The following CNTNAP2 variants were observed in gnomAD, a reference collection of about 807,000 sequenced individuals.
CNTNAP2 encodes the protein contactin-associated protein-like 2.
CNTNAP2 carries 98 observed loss-of-function variants against 155.2 expected under a neutral mutation model. The ratio of observed to expected loss-of-function variants is 0.63; its 90% CI spans 0.54 to 0.75. The LOEUF is 0.75. Among genes scored for constraint, CNTNAP2 ranks in the 30% least tolerant of loss-of-function variants. The probability of loss-of-function intolerance (pLI) is 0.00; values close to 1 mark genes in which losing one functional copy is unlikely to be tolerated. For synonymous variants in CNTNAP2, 651 were observed against 631.2 expected (o/e 1.03, Z -0.47); for missense variants, 1,727 against 1,688.1 (o/e 1.02, Z -0.40).
chr7:148,398,333 T>C (rs951955185), intron 22 of CNTNAP2, among the ~76,000 whole-genome samples: 4 of 152,248 alleles, frequency 2.6e-5, no homozygotes, highest in African/African-American at 9.6e-5. Context: ...CCATGCCTAT[T>C]GGCAGAACTG....
Position 148,368,790 on chromosome 7 carries a change from G to A in CNTNAP2, c.3476-14859G>A, listed in dbSNP as rs537545307. ...GAGCAAGCAGGGGGTATGTGACAGG[G>A]GCTGCATGCACCGGTGGTCAGACTG... On this transcript the variant is annotated intron_variant, in intron 21 of 23. Coordinates refer to ENST00000361727, the MANE Select transcript of CNTNAP2 (RefSeq NM_014141.6). Among the ~76,000 whole-genome samples, 57 of 152,230 alleles carry A rather than the reference G, an allele frequency of 3.7e-4. 1 individual carries two copies. The South Asian group carries it at 0.011, about 30-fold the overall frequency.
At chr7:146,698,683 C>T (rs1800824786) in intron 1 of CNTNAP2, among the ~76,000 whole-genome samples, 1 of 152,106 alleles carries the variant, frequency 6.6e-6, no homozygotes, top group African/African-American at 2.4e-5. Flanking sequence ...AAAGCATCAG[C>T]ATTATTTCTT....
Position 148,415,825 on chromosome 7 carries a change from C to G in CNTNAP2, c.*209C>G. 6.4e-6 allele frequency: 4 copies of G among 621,770 alleles called. No individual in the cohort carries two copies. The South Asian group carries it at 8.4e-5, about 13-fold the overall frequency. The allele number at this position is 621,770 out of a possible 1,614,324, so 38.5% of individuals were successfully genotyped here. A position where few individuals can be genotyped will look rare whatever the true frequency, so the allele number is the denominator to read the frequency against. Reference sequence around the variant, plus strand: ...ATATTTCTTTATAGCTGAGTTTTCCCTTCTGTATCAAAACAAAATAATACA... The same window carrying G: ...ATATTTCTTTATAGCTGAGTTTTCCGTTCTGTATCAAAACAAAATAATACA... On this transcript the variant is annotated 3_prime_UTR_variant, in exon 24 of 24. Coordinates refer to ENST00000361727, the MANE Select transcript of CNTNAP2 (RefSeq NM_014141.6).
chr7:147,749,555 T>C (rs923845686), intron 13 of CNTNAP2, among the ~76,000 whole-genome samples: 1 of 152,188 alleles, frequency 6.6e-6, no homozygotes, highest in Non-Finnish European at 1.5e-5. Flanking sequence ...ACCAGCAATA[T>C]GTGGAACGAT....
chr7:146,588,341 T>A (rs1179909282), intron 1 of CNTNAP2, among the ~76,000 whole-genome samples: 1 of 152,188 alleles, frequency 6.6e-6, no homozygotes, highest in African/African-American at 2.4e-5. Flanking sequence ...TTGGAAATTG[T>A]AATTAATTCC....
At chr7:148,133,438 G>T (rs1013195138) in intron 16 of CNTNAP2, among the ~76,000 whole-genome samples, 2 of 151,992 alleles carry the variant, frequency 1.3e-5, no homozygotes, top group Non-Finnish European at 2.9e-5. Flanking sequence ...CTCCAGCCTG[G>T]GTGACAGAAT....
At position 146,986,345 on chromosome 7, in the gene CNTNAP2, T is replaced by A. The variant is rs574387137; in HGVS notation, c.403-57562T>A. 3.3e-5 allele frequency among the ~76,000 whole-genome samples: 5 copies of A among 152,342 alleles called. No individual in the cohort carries two copies. The South Asian group carries it at 1.0e-3, about 32-fold the overall frequency. ...AATGCCATTAATTCATTCCTTTTTA[T>A]GGCTGAGCAGTATTCCATCATATAT... On this transcript the variant is annotated intron_variant, in intron 3 of 23. Coordinates refer to ENST00000361727, the MANE Select transcript of CNTNAP2 (RefSeq NM_014141.6).
rs76957024 is a variant in CNTNAP2 at position 147,708,877 on chromosome 7, A to C, written c.2098+69571A>C. The stretch of plus-strand genomic sequence containing the variant: ...GTTCTTCTCTGTGTAAGAGACACGT[A>C]GCAGATGCCTCTAGTCAGCCACCTT... On this transcript the variant is annotated intron_variant, in intron 13 of 23. Coordinates refer to ENST00000361727, the MANE Select transcript of CNTNAP2 (RefSeq NM_014141.6). Among the ~76,000 whole-genome samples the C allele has an allele frequency of 6.8e-3, 1,042 of 152,300 alleles. 12 individuals are homozygous for C. Among genetic ancestry groups the C allele is most frequent in the African/African-American group, 0.024 (984 of 41,572 alleles).
chr7:146,593,700 C>T (rs1798817261), intron 1 of CNTNAP2, among the ~76,000 whole-genome samples: 1 of 152,126 alleles, frequency 6.6e-6, no homozygotes, highest in Non-Finnish European at 1.5e-5. Flanking sequence ...CATGCTATTT[C>T]TCATTTGCAA....
At chr7:147,963,238 G>A (rs551135261) in intron 14 of CNTNAP2, among the ~76,000 whole-genome samples, 1 of 152,168 alleles carries the variant, frequency 6.6e-6, no homozygotes, top group East Asian at 1.9e-4. Context: ...TAGTAAGAAT[G>A]TGCTATAGAG....
At chr7:146,161,891 G>C (rs916288998) in intron 1 of CNTNAP2, among the ~76,000 whole-genome samples, 3 of 152,088 alleles carry the variant, frequency 2.0e-5, no homozygotes, top group African/African-American at 7.2e-5. Context: ...TGACAAACCT[G>C]ACAAAAACGA....
chr7:146,368,246 A>C (rs949120326), intron 1 of CNTNAP2, among the ~76,000 whole-genome samples: 11 of 152,178 alleles, frequency 7.2e-5, no homozygotes, highest in African/African-American at 2.7e-4. Context: ...AGATGTCTCC[A>C]AGGAGTAAGT....
intron 13 of CNTNAP2, among the ~76,000 whole-genome samples, chr7:147,895,465 C>T (rs1420789935): frequency 1.3e-5 from 2 of 152,054 alleles, no homozygotes; most frequent in African/African-American, 4.8e-5. Context: ...TACAATATGC[C>T]TTACTTTGAT....
At chr7:146,820,349 T>C (rs949784224) in intron 2 of CNTNAP2, among the ~76,000 whole-genome samples, 1 of 152,204 alleles carries the variant, frequency 6.6e-6, no homozygotes, top group African/African-American at 2.4e-5. Context: ...TAGTTAGCAA[T>C]TGAATATTTA....
At chr7:147,580,824 C>G (rs746859944) in intron 12 of CNTNAP2, among the ~76,000 whole-genome samples, 3 of 152,128 alleles carry the variant, frequency 2.0e-5, no homozygotes, top group Non-Finnish European at 4.4e-5. Context: ...GCATGTTGAC[C>G]AGGCTGGTCT....
chr7:147,223,578 G>A (rs541798755), intron 8 of CNTNAP2, among the ~76,000 whole-genome samples: 13 of 152,300 alleles, frequency 8.5e-5, no homozygotes, highest in Non-Finnish European at 1.6e-4. Context: ...GAACAGGAAC[G>A]CAGTGTGGGA....
At position 147,398,589 on chromosome 7, in the gene CNTNAP2, C is replaced by CTTTTT. The variant is rs58507416; in HGVS notation, c.1670+2824_1670+2828dup. ...GTATTGGAATACCCTACGATTTGAA[C>CTTTTT]TTTTTTTTTTTTTTTTTTTGCTTTG... On this transcript the variant is annotated intron_variant, in intron 10 of 23. Transcript: ENST00000361727. Among the ~76,000 whole-genome samples, 48 of 87,710 alleles carry CTTTTT rather than the reference C, an allele frequency of 5.5e-4. 1 individual carries two copies. Among genetic ancestry groups the CTTTTT allele is most frequent in the South Asian group, 8.2e-4 (2 of 2,430 alleles). The allele number at this position is 87,710 out of a possible 152,430, so 57.5% of individuals were successfully genotyped here.
chr7:146,574,487 G>A (rs191070018), intron 1 of CNTNAP2, among the ~76,000 whole-genome samples: 53 of 152,264 alleles, frequency 3.5e-4, no homozygotes, highest in African/African-American at 1.3e-3. Context: ...TGAATAATGA[G>A]GTCAAGAGAT....
At chr7:146,691,171 A>G (rs1423293079) in intron 1 of CNTNAP2, among the ~76,000 whole-genome samples, 3 of 151,610 alleles carry the variant, frequency 2.0e-5, no homozygotes, top group Non-Finnish European at 4.4e-5. Flanking sequence ...CCATTGGGTA[A>G]TCACCTTCTT....
Sources: gnomAD v4.1 joint callset for allele counts (sites outside exome capture counted in the v4.1 genomes callset) on GRCh38, gnomAD v4.1.1 for gene constraint, MANE v1.5 for transcripts, NCBI Gene and HGNC (gene_info 2026-07-23, HGNC 2026-07-21) for gene names.